EML1: variants seen among roughly 807,000 people sequenced by gnomAD.
EML1 encodes echinoderm microtubule-associated protein-like 1.
A neutral mutation model predicts 110.4 loss-of-function variants in EML1; 27 were observed. The observed-to-expected ratio is 0.24, with a 90% CI of 0.18 to 0.34. The LOEUF is 0.34. Ranked by LOEUF, EML1 falls within the 10% of genes least tolerant of loss-of-function variation. The probability of loss-of-function intolerance (pLI) is 1.00; values close to 1 mark genes in which losing one functional copy is unlikely to be tolerated. For missense variants in EML1, 741 were observed against 1,030.9 expected (o/e 0.72, Z 3.85); for synonymous variants, 344 against 385.8 (o/e 0.89, Z 1.27).
intron 15 of EML1, among the ~76,000 whole-genome samples, chr14:99,915,864 T>C (rs1018331784): frequency 4.6e-5 from 7 of 152,106 alleles, no homozygotes; most frequent in African/African-American, 1.7e-4. Context: ...TCATCCCCCA[T>C]AGAGTTACTG....
chr14:99,808,891 A>G (rs2058026054), intron 1 of EML1, among the ~76,000 whole-genome samples: 1 of 152,112 alleles, frequency 6.6e-6, no homozygotes, highest in Admixed American at 6.5e-5. Flanking sequence ...TCACAACCAA[A>G]CTCTAAGGTA....
intron 4 of EML1, among the ~76,000 whole-genome samples, chr14:99,885,475 AAC>A (rs2059457300): frequency 6.6e-6 from 1 of 152,192 alleles, no homozygotes; most frequent in Admixed American, 6.5e-5. Context: ...CATTGACAGA[AAC>A]ACCCGTGTCT....
intron 12 of EML1, 139 bp from the exon 13 acceptor site, chr14:99,911,283 G>C (rs1202830168): frequency 6.0e-6 from 6 of 998,172 alleles, no homozygotes; most frequent in Admixed American, 6.4e-5. Flanking sequence ...TCTAGAAATT[G>C]GATCCTTCAT....
Position 99,936,941 on chromosome 14 carries a change from G to A in EML1, c.2095+607G>A, listed in dbSNP as rs1054997273. 2.0e-5 allele frequency among the ~76,000 whole-genome samples: 3 copies of A among 152,218 alleles called. No individual in the cohort carries two copies. Among genetic ancestry groups the A allele is most frequent in the Non-Finnish European group, 4.4e-5 (3 of 68,028 alleles). ...CCCACTCTGGGCCACGCAGGGCGGC[G>A]CGTGGGCACAAGGAAGGCCTCGCTG... On this transcript the variant is annotated intron_variant, in intron 19 of 21. Coordinates refer to ENST00000262233, the MANE Select transcript of EML1 (RefSeq NM_004434.3). This position sits in a 1 kb window ranked among gnomAD's most constrained non-coding sequence, Gnocchi z 5.5.
chr14:99,771,031 G>A (rs1325365623), upstream of EML1, among the ~76,000 whole-genome samples: 6 of 151,934 alleles, frequency 3.9e-5, no homozygotes, highest in African/African-American at 1.5e-4. Flanking sequence ...TGATCCGTCC[G>A]CCTCAGCCTC....
intron 13 of EML1, among the ~76,000 whole-genome samples, chr14:99,911,915 T>C (rs1257203453): frequency 1.2e-5 from 1 of 86,468 alleles, no homozygotes; most frequent in Non-Finnish European, 2.2e-5. Flanking sequence ...TTTTTTTTTT[T>C]AGAGCAGGGT....
chr14:99,823,077 C>A (rs1042430738), intron 1 of EML1, among the ~76,000 whole-genome samples: 9 of 152,294 alleles, frequency 5.9e-5, no homozygotes, highest in African/African-American at 2.2e-4. Flanking sequence ...GGGAAGAAGA[C>A]CCAGCCCCCT....
At chr14:99,740,395 G>A (rs2057028372) in intron 1 of EML1, among the ~76,000 whole-genome samples, 1 of 152,220 alleles carries the variant, frequency 6.6e-6, no homozygotes, top group Non-Finnish European at 1.5e-5. Flanking sequence ...TTTTTGGCTT[G>A]CACCTGAAGA....
At chr14:99,770,627 A>G (rs1278510789), upstream of EML1, among the ~76,000 whole-genome samples, 2 of 152,046 alleles carry the variant, frequency 1.3e-5, no homozygotes, top group African/African-American at 4.8e-5. Context: ...CATTTTCTCC[A>G]TTTGTAAAAC....
At chr14:99,840,712 A>G (rs2058618839) in intron 1 of EML1, among the ~76,000 whole-genome samples, 1 of 152,250 alleles carries the variant, frequency 6.6e-6, no homozygotes, top group Non-Finnish European at 1.5e-5. Context: ...TAGCACTCAG[A>G]TAACAATGTC....
upstream of EML1, among the ~76,000 whole-genome samples, chr14:99,771,619 C>T (rs555098656): frequency 5.5e-4 from 84 of 152,288 alleles, no homozygotes; most frequent in African/African-American, 2.0e-3. Context: ...TGAGACCAGC[C>T]TGGGCAACAT....
intron 3 of EML1, among the ~76,000 whole-genome samples, chr14:99,870,029 A>G (rs1476508374): frequency 2.6e-5 from 4 of 152,254 alleles, no homozygotes; most frequent in Non-Finnish European, 2.9e-5. Context: ...AGCTGCACAA[A>G]ACGGACTCAT....
chr14:99,891,117 A>G, intron 4 of EML1, 82 bp from the exon 5 acceptor site: 1 of 1,524,614 alleles, frequency 6.6e-7, no homozygotes, highest in Non-Finnish European at 9.1e-7. Flanking sequence ...AGACTACTGC[A>G]GCCGTGGCTT....
chr14:99,807,071 A>G (rs778832561), intron 1 of EML1, among the ~76,000 whole-genome samples: 8 of 152,154 alleles, frequency 5.3e-5, no homozygotes, highest in Non-Finnish European at 1.2e-4. Context: ...GATGCCGTGA[A>G]CGCCTGATTG....
chr14:99,906,403 G>C (rs1225053870), intron 9 of EML1, among the ~76,000 whole-genome samples: 1 of 152,174 alleles, frequency 6.6e-6, no homozygotes, highest in African/African-American at 2.4e-5. Flanking sequence ...TACTAAGTGA[G>C]GGATGGATTA....
At chr14:99,818,819 G>A (rs562854339) in intron 1 of EML1, among the ~76,000 whole-genome samples, 5 of 152,306 alleles carry the variant, frequency 3.3e-5, no homozygotes, top group Admixed American at 1.3e-4. Flanking sequence ...GGTTTTAGGA[G>A]GAGGGAAACC....
At chr14:99,779,281 G>A (rs780025012) in intron 1 of EML1, among the ~76,000 whole-genome samples, 2 of 152,112 alleles carry the variant, frequency 1.3e-5, no homozygotes, top group Non-Finnish European at 2.9e-5. Context: ...AGACATTGCT[G>A]TGGGGATTGT....
chr14:99,875,786 G>A (rs1273392812), intron 3 of EML1, among the ~76,000 whole-genome samples: 1 of 152,178 alleles, frequency 6.6e-6, no homozygotes, highest in Non-Finnish European at 1.5e-5. Flanking sequence ...GAAGCACAAA[G>A]GCTCCTATAA....
rs1183636070 is a variant in EML1 at position 99,940,963 on chromosome 14, T to G, written c.*851T>G. The stretch of plus-strand genomic sequence containing the variant: ...TCATAATAAATATGTAAGACTAGGC[T>G]TTACTGTCTTATGCTTATGGACATT... On this transcript the variant is annotated 3_prime_UTR_variant, in exon 22 of 22. Coordinates refer to ENST00000262233, the MANE Select transcript of EML1 (RefSeq NM_004434.3). 6.6e-6 allele frequency: 1 copy of G among 152,242 alleles called. No homozygotes were observed. Among genetic ancestry groups the G allele is most frequent in the African/African-American group, 2.4e-5 (1 of 41,448 alleles). The allele number at this position is 152,242 out of a possible 1,614,324, so 9.4% of individuals were successfully genotyped here. A position where few individuals can be genotyped will look rare whatever the true frequency, so the allele number is the denominator to read the frequency against.
Sources: gnomAD v4.1 joint callset for allele counts (sites outside exome capture counted in the v4.1 genomes callset) on GRCh38, gnomAD v4.1.1 for gene constraint, Gnocchi (gnomAD v3.1) non-coding constraint, MANE v1.5 for transcripts, NCBI Gene and HGNC (gene_info 2026-07-23, HGNC 2026-07-21) for gene names.